The following PRKD1 variants were observed in gnomAD, a reference collection of about 807,000 sequenced individuals.
The protein encoded by PRKD1 is serine/threonine-protein kinase D1.
PRKD1 carries 63 observed loss-of-function variants against 95.9 expected under a neutral mutation model. The ratio of observed to expected loss-of-function variants is 0.66; its 90% CI spans 0.54 to 0.81. The LOEUF (loss-of-function observed/expected upper bound fraction) is 0.81. PRKD1 is among the 30% of genes least tolerant of loss of function. The pLI is 0.00. For synonymous variants in PRKD1, 425 were observed against 423.1 expected (o/e 1.00, Z -0.05); for missense variants, 1,048 against 1,165.3 (o/e 0.90, Z 1.47).
intron 1 of PRKD1, among the ~76,000 whole-genome samples, chr14:29,754,201 A>C (rs2139468539): frequency 6.6e-6 from 1 of 152,296 alleles, no homozygotes; most frequent in African/African-American, 2.4e-5. Flanking sequence ...GGTGGGCATT[A>C]AAAGTTTCTT....
intron 1 of PRKD1, among the ~76,000 whole-genome samples, chr14:29,830,722 T>C (rs1891373601): frequency 1.3e-5 from 2 of 152,172 alleles, no homozygotes; most frequent in Non-Finnish European, 2.9e-5. Context: ...CAGGAGGGTC[T>C]TCCTCTGTTG....
intron 1 of PRKD1, among the ~76,000 whole-genome samples, chr14:29,770,930 C>CAAAAAAAAAAAAAAAA (rs753745571): frequency 4.2e-5 from 2 of 47,164 alleles, no homozygotes; most frequent in African/African-American, 6.0e-5. Context: ...AGACACTGTC[C>CAAAAAAAAAAAAAAAA]AAAAAAAAAA....
At chr14:29,795,285 A>G (rs1205822416) in intron 1 of PRKD1, among the ~76,000 whole-genome samples, 1 of 151,888 alleles carries the variant, frequency 6.6e-6, no homozygotes, top group African/African-American at 2.4e-5. Context: ...TTTGAAATAT[A>G]TATTTATTTA....
In PRKD1 at chr14:29,597,683, C is replaced by T. The variant is rs1303923680; in HGVS notation, c.2242G>A (p.Ala748Thr). The T allele has an allele frequency of 7.4e-6, 12 of 1,613,734 alleles. No homozygotes were observed. The highest frequency in any genetic ancestry group is 9.3e-6 in the Non-Finnish European group (11 of 1,179,902). Residue 748 changes from alanine (A) to threonine (T), a missense_variant, in exon 16 of 18, where the codon GCT (alanine) becomes ACT (threonine). Physicochemically the swap from Ala to Thr is moderately conservative, Grantham distance 58. Transcript: ENST00000331968. ...SFRRSVVGTP[A>T]YLAPEVLRNK... is the part of the protein sequence containing the mutation. Reference sequence around the variant, plus strand: ...CTTAGGACCTCAGGAGCCAGGTAAGCGGGGGTACCCACCACTGACCTCCGG... The same window carrying T: ...CTTAGGACCTCAGGAGCCAGGTAAGTGGGGGTACCCACCACTGACCTCCGG...
intron 2 of PRKD1, among the ~76,000 whole-genome samples, chr14:29,713,352 A>C (rs1303851254): frequency 1.3e-5 from 2 of 152,134 alleles, no homozygotes; most frequent in East Asian, 3.9e-4. Flanking sequence ...ATTTACCCAA[A>C]ATCTAGATGA....
chr14:29,623,849 G>A (rs961901287), intron 13 of PRKD1, among the ~76,000 whole-genome samples: 20 of 152,086 alleles, frequency 1.3e-4, no homozygotes, highest in African/African-American at 4.3e-4. Context: ...AAGGTCATTT[G>A]TAATATAAAA....
At chr14:29,815,969 C>T (rs1201009995) in intron 1 of PRKD1, among the ~76,000 whole-genome samples, 1 of 152,108 alleles carries the variant, frequency 6.6e-6, no homozygotes, top group Non-Finnish European at 1.5e-5. Context: ...CCTGTAATCC[C>T]ATCACTTTGG....
intron 9 of PRKD1, among the ~76,000 whole-genome samples, chr14:29,632,332 A>T (rs1043643058): frequency 6.6e-6 from 1 of 151,788 alleles, no homozygotes; most frequent in Non-Finnish European, 1.5e-5. Flanking sequence ...TATTTTCTCT[A>T]TGAAGTTTTT....
At chr14:29,625,462 C>T (rs967926969) in intron 12 of PRKD1, among the ~76,000 whole-genome samples, 1 of 152,156 alleles carries the variant, frequency 6.6e-6, no homozygotes, top group African/African-American at 2.4e-5. Context: ...ATCTGCTGGT[C>T]TCTCTACTCT....
chr14:29,729,779 C>T (rs1041741225), intron 1 of PRKD1, among the ~76,000 whole-genome samples: 1 of 151,906 alleles, frequency 6.6e-6, no homozygotes, highest in Non-Finnish European at 1.5e-5. Flanking sequence ...TTAATATGAC[C>T]ATTTAATGCA....
intron 1 of PRKD1, among the ~76,000 whole-genome samples, chr14:29,761,838 G>A (rs916613728): frequency 2.0e-5 from 3 of 147,866 alleles, no homozygotes; most frequent in African/African-American, 2.5e-5. Flanking sequence ...GCTGGACTGC[G>A]GTGGCATGAT....
intron 1 of PRKD1, among the ~76,000 whole-genome samples, chr14:29,776,975 G>A (rs1404026896): frequency 6.6e-6 from 1 of 152,198 alleles, no homozygotes; most frequent in Admixed American, 6.5e-5. Flanking sequence ...CCAGAAGAGA[G>A]TGGGGGCCAA....
At chr14:29,623,391 C>A (rs567828890) in intron 13 of PRKD1, among the ~76,000 whole-genome samples, 1 of 151,494 alleles carries the variant, frequency 6.6e-6, no homozygotes, top group Admixed American at 6.6e-5. Flanking sequence ...TTCCGTTTTG[C>A]GAAAAAAAAT....
At chr14:29,901,201 G>A (rs1042439434) in intron 1 of PRKD1, among the ~76,000 whole-genome samples, 1 of 152,170 alleles carries the variant, frequency 6.6e-6, no homozygotes, top group African/African-American at 2.4e-5. Flanking sequence ...CATGGATGGA[G>A]TTAGAGGTAA....
intron 1 of PRKD1, among the ~76,000 whole-genome samples, chr14:29,788,687 G>T (rs1051305162): frequency 2.0e-5 from 3 of 151,900 alleles, no homozygotes; most frequent in Non-Finnish European, 4.4e-5. Flanking sequence ...GCTTCATCTA[G>T]TCTATTGTTG....
intron 2 of PRKD1, among the ~76,000 whole-genome samples, chr14:29,687,369 TGGAGA>T (rs1883943167): frequency 6.6e-6 from 1 of 151,972 alleles, no homozygotes; most frequent in South Asian, 2.1e-4. Flanking sequence ...AGATTAGGAG[TGGAGA>T]GAAGAGAAAA....
intron 16 of PRKD1, among the ~76,000 whole-genome samples, chr14:29,595,757 C>T (rs1893273952): frequency 6.6e-6 from 1 of 152,184 alleles, no homozygotes; most frequent in Non-Finnish European, 1.5e-5. Context: ...GTTGTTTCCC[C>T]ACACCCAATT....
At chr14:29,684,278 G>A (rs370461770) in intron 2 of PRKD1, among the ~76,000 whole-genome samples, 1 of 151,910 alleles carries the variant, frequency 6.6e-6, no homozygotes, top group Non-Finnish European at 1.5e-5. Context: ...AGCCTCCCGA[G>A]TAGCTGGGAT....
Position 29,629,330 on chromosome 14 carries a change from C to A in PRKD1, c.1673-237G>T, listed in dbSNP as rs934583738. Among the ~76,000 whole-genome samples the A allele has an allele frequency of 2.6e-5, 4 of 152,230 alleles. No individual in the cohort carries two copies. In the East Asian group the frequency reaches 7.7e-4, roughly 29 times the overall value. The stretch of plus-strand genomic sequence containing the variant: ...AATTTAGGGTTTGGAGTCAGAAGGA[C>A]TTGGATTCAAATACTGGCTTTGCTA... On this transcript the variant is annotated intron_variant, in intron 10 of 17. Transcript: ENST00000331968.
Sources: allele counts gnomAD v4.1 joint callset (sites outside exome capture counted in the v4.1 genomes callset), GRCh38; gene constraint gnomAD v4.1.1; transcripts MANE v1.5; gene names NCBI Gene and HGNC (gene_info 2026-07-23, HGNC 2026-07-21).